Variants in ARRDC5 observed in about 807,000 individuals in gnomAD.
ARRDC5 encodes arrestin domain-containing protein 5.
A neutral mutation model predicts 13.3 loss-of-function variants in ARRDC5; 12 were observed. The observed-to-expected ratio is 0.90, with a 90% CI of 0.58 to 1.46. The LOEUF (loss-of-function observed/expected upper bound fraction) is 1.46. Ranked by LOEUF, ARRDC5 falls within the 40% of genes most tolerant of loss-of-function variation. ARRDC5 has a pLI of 0.00. For synonymous variants in ARRDC5, 181 were observed against 173.4 expected (o/e 1.04, Z -0.34); for missense variants, 406 against 418.7 (o/e 0.97, Z 0.26).
At chr19:4,910,357 A>AGGGGGGGCCGGCAAGGG in the ARRDC5 span, 2 of 45,024 alleles carry the variant, frequency 4.4e-5, no homozygotes, top group Non-Finnish European at 1.1e-4. Flanking sequence ...GCCGGCAAGG[A>AGGGGGGGCCGGCAAGGG]GGGGGGGCGT....
chr19:4,907,732 G>A (rs1367551364), upstream of ARRDC5, among the ~76,000 whole-genome samples: 1 of 55,558 alleles, frequency 1.8e-5, no homozygotes, highest in Admixed American at 2.5e-4. Flanking sequence ...TTTTTTTTGA[G>A]ACTGAGTTTT....
At chr19:4,901,285 C>T (rs373204055) in intron 1 of ARRDC5, among the ~76,000 whole-genome samples, 23 of 152,100 alleles carry the variant, frequency 1.5e-4, no homozygotes, top group African/African-American at 5.3e-4. Flanking sequence ...CACCACTGGC[C>T]TCTAGCCTGG....
At chr19:4,899,077 AG>A (rs1477097398) in intron 1 of ARRDC5, among the ~76,000 whole-genome samples, 1 of 151,860 alleles carries the variant, frequency 6.6e-6, no homozygotes, top group Non-Finnish European at 1.5e-5. Context: ...TGGGAGGCCG[AG>A]GCGGGCAGAT....
the ARRDC5 span, among the ~76,000 whole-genome samples, chr19:4,912,024 G>T: frequency 1.3e-5 from 2 of 152,316 alleles, no homozygotes; most frequent in South Asian, 4.1e-4. Flanking sequence ...GGGGCTGGGA[G>T]GATCATGCCT....
chr19:4,902,939 G>A (rs534428268), upstream of ARRDC5: 23 of 1,523,818 alleles, frequency 1.5e-5, no homozygotes, highest in African/African-American at 1.8e-4. Context: ...TCAGAGTTCC[G>A]GGAAGTGGGG....
chr19:4,902,670 C>G lies in ARRDC5; in HGVS notation c.156G>C (p.Trp52Cys), dbSNP rs1425516880. 4 of 1,614,012 alleles carry G rather than the reference C, an allele frequency of 2.5e-6. No homozygotes were observed. The South Asian group carries it at 3.3e-5, about 13-fold the overall frequency. Residue 52 changes from tryptophan to cysteine, a missense_variant, in exon 1 of 3, where the codon TGG becomes TGC. Trp to Cys is a radical substitution (Grantham distance 215). Coordinates refer to ENST00000650722, the MANE Select transcript of ARRDC5 (RefSeq NM_001080523.3). ...VELVGRGYVE[W>C]SEEAGASCDY... ...CACAGGATGCCCCGGCTTCTTCACTCCATTCGACGTAACCCCTTCCCACGA... is the reference window on the plus strand; with the variant it reads ...CACAGGATGCCCCGGCTTCTTCACTGCATTCGACGTAACCCCTTCCCACGA...
At chr19:4,908,295 C>T in the ARRDC5 span, among the ~76,000 whole-genome samples, 28 of 152,136 alleles carry the variant, frequency 1.8e-4, no homozygotes, top group Non-Finnish European at 1.8e-4. Context: ...ATATTAGGGA[C>T]ATAGCAGAAG....
chr19:4,891,654 C>T (rs2031517640), intron 2 of ARRDC5, 81 bp from the exon 3 acceptor site: 2 of 1,327,650 alleles, frequency 1.5e-6, no homozygotes, highest in East Asian at 2.4e-5. Context: ...ACCCTGGGAA[C>T]TCCTCAAAGT....
intron 1 of ARRDC5, among the ~76,000 whole-genome samples, chr19:4,902,239 T>C (rs2031945052): frequency 1.3e-5 from 2 of 152,264 alleles, no homozygotes; most frequent in South Asian, 4.1e-4. Context: ...CTTTGTCTCC[T>C]GGGGTTTTGC....
At chr19:4,893,996 C>G (rs1355724760) in intron 2 of ARRDC5, among the ~76,000 whole-genome samples, 1 of 148,620 alleles carries the variant, frequency 6.7e-6, no homozygotes, top group Non-Finnish European at 1.5e-5. Flanking sequence ...TACAGTGAGC[C>G]GAGATAGCGC....
At chr19:4,902,537 G>A in intron 1 of ARRDC5, 36 bp downstream of exon 1, 1 of 1,602,034 alleles carries the variant, frequency 6.2e-7, no homozygotes, top group Non-Finnish European at 8.5e-7. Flanking sequence ...CCAGGTTCCT[G>A]TCATGGCTAG....
chr19:4,915,468 C>G, the ARRDC5 span, among the ~76,000 whole-genome samples: 1 of 152,194 alleles, frequency 6.6e-6, no homozygotes, highest in Admixed American at 6.6e-5. Flanking sequence ...AATCCCGGTG[C>G]TTTGGGAGGC....
At chr19:4,907,491 G>A (rs1334299565), upstream of ARRDC5, among the ~76,000 whole-genome samples, 1 of 151,940 alleles carries the variant, frequency 6.6e-6, no homozygotes, top group Non-Finnish European at 1.5e-5. Flanking sequence ...CTAGTCTGGC[G>A]ACTCCTGACC....
upstream of ARRDC5, among the ~76,000 whole-genome samples, chr19:4,905,414 C>T (rs1374494576): frequency 6.6e-6 from 1 of 151,692 alleles, no homozygotes; most frequent in East Asian, 1.9e-4. Flanking sequence ...CCACCACACC[C>T]GGCCACAAAT....
chr19:4,915,200 C>T, the ARRDC5 span, among the ~76,000 whole-genome samples: 1 of 152,252 alleles, frequency 6.6e-6, no homozygotes, highest in Non-Finnish European at 1.5e-5. Context: ...GGTGTCCCCA[C>T]TGGACGGCCC....
At position 4,891,397 on chromosome 19, in the gene ARRDC5, C is replaced by G. The variant is rs761122257; in HGVS notation, c.636G>C (p.Leu212=). The change falls in exon 3 of 3, where the codon CTG becomes CTC. Residue 212 remains leucine, a synonymous_variant. Transcript: ENST00000650722. ...SKCIKTVVFA[L]YAHIQYEGFT... The stretch of plus-strand genomic sequence containing the variant: ...AGCCCTCGTACTGTATGTGGGCATA[C>G]AGGGCGAATACGACCGTCTTGATGC... 1.2e-6 allele frequency: 2 copies of G among 1,613,296 alleles called. No individual in the cohort carries two copies. Among genetic ancestry groups the G allele is most frequent in the African/African-American group, 2.7e-5 (2 of 74,932 alleles).
upstream of ARRDC5, among the ~76,000 whole-genome samples, chr19:4,904,460 T>C (rs1463128867): frequency 3.3e-5 from 5 of 152,186 alleles, no homozygotes; most frequent in African/African-American, 1.2e-4. Context: ...ATTACAGGCG[T>C]GAGCCACCGC....
At chr19:4,896,627 G>C (rs1367361731) in intron 2 of ARRDC5, 44 bp downstream of exon 2, 5 of 1,465,710 alleles carry the variant, frequency 3.4e-6, no homozygotes, top group Non-Finnish European at 4.8e-6. Flanking sequence ...TTCCTCCTTG[G>C]AGCTTGGAGA....
Position 4,890,693 on chromosome 19 carries a change from A to C in ARRDC5, c.*353T>G. The C allele has an allele frequency of 3.7e-6, 1 of 270,966 alleles. No homozygotes were observed. Among genetic ancestry groups the C allele is most frequent in the Non-Finnish European group, 7.1e-6 (1 of 140,896 alleles). 16.8% of individuals were successfully genotyped at this position (270,966 alleles called of 1,614,324 possible). On this transcript the variant is annotated 3_prime_UTR_variant, in exon 3 of 3. Coordinates refer to ENST00000650722, the MANE Select transcript of ARRDC5 (RefSeq NM_001080523.3). ...AGACTCTTCTCCCCCGATCCCCTGCAGTTGTGACAGCCAATACAACCAGAC... is the reference window on the plus strand; with the variant it reads ...AGACTCTTCTCCCCCGATCCCCTGCCGTTGTGACAGCCAATACAACCAGAC...
Sources: allele counts gnomAD v4.1 joint callset (sites outside exome capture counted in the v4.1 genomes callset), GRCh38; gene constraint gnomAD v4.1.1; transcripts MANE v1.5; gene names NCBI Gene and HGNC (gene_info 2026-07-23, HGNC 2026-07-21).